C13orf42: variants seen among roughly 807,000 people sequenced by gnomAD.
The protein encoded by C13orf42 is uncharacterized protein C13orf42.
intron 1 of C13orf42, among the ~76,000 whole-genome samples, chr13:51,166,185 T>A (rs1201686199): frequency 6.6e-6 from 1 of 152,052 alleles, no homozygotes; most frequent in Non-Finnish European, 1.5e-5. Context: ...AACTGCAACA[T>A]GGAGAAGTCA....
At chr13:51,138,785 C>T (rs1292186961) in intron 1 of C13orf42, among the ~76,000 whole-genome samples, 1 of 152,184 alleles carries the variant, frequency 6.6e-6, no homozygotes, top group African/African-American at 2.4e-5. Flanking sequence ...TTTCCACACT[C>T]CCATGTTCCC....
intron 3 of C13orf42, among the ~76,000 whole-genome samples, chr13:51,085,072 GA>G (rs1484437481): frequency 2.0e-5 from 3 of 151,940 alleles, no homozygotes; most frequent in Non-Finnish European, 4.4e-5. Flanking sequence ...GGGCCAGAAA[GA>G]AAGGGAGGCA....
chr13:51,166,409 C>G (rs1206245068), intron 1 of C13orf42, among the ~76,000 whole-genome samples: 1 of 123,744 alleles, frequency 8.1e-6, no homozygotes, highest in Non-Finnish European at 1.6e-5. Context: ...CACATGGACA[C>G]AGGAAGGGGA....
At chr13:51,159,444 T>C (rs1008225717) in intron 1 of C13orf42, among the ~76,000 whole-genome samples, 1 of 152,228 alleles carries the variant, frequency 6.6e-6, no homozygotes, top group Admixed American at 6.5e-5. Context: ...TGAGCTTTTA[T>C]GCTTCCCCCA....
At chr13:51,118,847 G>A (rs2138011765) in intron 1 of C13orf42, among the ~76,000 whole-genome samples, 1 of 152,044 alleles carries the variant, frequency 6.6e-6, no homozygotes, top group Non-Finnish European at 1.5e-5. Flanking sequence ...TATGCCCAGG[G>A]GTATAGTATG....
intron 1 of C13orf42, among the ~76,000 whole-genome samples, chr13:51,153,992 C>T (rs1159009868): frequency 1.3e-5 from 2 of 152,064 alleles, no homozygotes; most frequent in East Asian, 1.9e-4. Flanking sequence ...CCATTACTCC[C>T]CATTTTCCCC....
intron 2 of C13orf42, among the ~76,000 whole-genome samples, chr13:51,086,053 TC>T (rs1289113136): frequency 6.6e-6 from 1 of 151,348 alleles, no homozygotes; most frequent in African/African-American, 2.4e-5. Context: ...ACACCTGTAA[TC>T]CCAACACTTT....
At chr13:51,169,924 C>T (rs1240032185) in intron 1 of C13orf42, among the ~76,000 whole-genome samples, 1 of 152,172 alleles carries the variant, frequency 6.6e-6, no homozygotes, top group African/African-American at 2.4e-5. Context: ...CATGTATACG[C>T]CCAGATGGCC....
intron 1 of C13orf42, among the ~76,000 whole-genome samples, chr13:51,098,292 C>T (rs1953255973): frequency 6.6e-6 from 1 of 151,926 alleles, no homozygotes; most frequent in Non-Finnish European, 1.5e-5. Context: ...ATAAACTTCC[C>T]GTTGTAAACA....
In C13orf42 at chr13:51,083,376, C is replaced by G. The variant is rs1953085795; in HGVS notation, c.*775G>C. 6.6e-6 allele frequency: 1 copy of G among 152,074 alleles called. No individual in the cohort carries two copies. Among genetic ancestry groups the G allele is most frequent in the South Asian group, 2.1e-4 (1 of 4,826 alleles). The allele number at this position is 152,074 out of a possible 1,614,324, so 9.4% of individuals were successfully genotyped here. On this transcript the variant is annotated 3_prime_UTR_variant, in exon 4 of 4. Transcript: ENST00000563710. ...AACTGGGGAAAGGGAAAGGTGTGGC[C>G]TGTCATAAACTGGTTCCATGGATAT...
chr13:51,133,292 A>G (rs1407973504), intron 1 of C13orf42, among the ~76,000 whole-genome samples: 1 of 152,184 alleles, frequency 6.6e-6, no homozygotes, highest in African/African-American at 2.4e-5. Flanking sequence ...GAAGGGAAAT[A>G]GAATGTGGTT....
intron 1 of C13orf42, among the ~76,000 whole-genome samples, chr13:51,136,172 T>C (rs1953656172): frequency 6.6e-6 from 1 of 152,096 alleles, no homozygotes; most frequent in South Asian, 2.1e-4. Flanking sequence ...CCCACCACAC[T>C]GTGCTCCCGT....
chr13:51,094,874 G>A (rs1468022182), intron 1 of C13orf42, among the ~76,000 whole-genome samples: 1 of 152,094 alleles, frequency 6.6e-6, no homozygotes, highest in Non-Finnish European at 1.5e-5. Context: ...ATTCCCATGT[G>A]TTATGGGAAG....
chr13:51,146,438 A>C (rs1468954520), intron 1 of C13orf42, among the ~76,000 whole-genome samples: 1 of 152,212 alleles, frequency 6.6e-6, no homozygotes, highest in East Asian at 1.9e-4. Flanking sequence ...GCTGTCAATC[A>C]GTTTAAGAAG....
chr13:51,098,252 T>C (rs146073447), intron 1 of C13orf42, among the ~76,000 whole-genome samples: 16 of 152,240 alleles, frequency 1.1e-4, no homozygotes, highest in Non-Finnish European at 1.5e-4. Context: ...TCTGTCAGTA[T>C]TTTTCTGCAA....
chr13:51,113,454 G>A (rs1363475191), upstream of C13orf42, among the ~76,000 whole-genome samples: 4 of 152,188 alleles, frequency 2.6e-5, no homozygotes, highest in Non-Finnish European at 5.9e-5. Flanking sequence ...TGCTGGTGGA[G>A]GAAATTCATC....
At chr13:51,152,232 C>T (rs775063248) in intron 1 of C13orf42, among the ~76,000 whole-genome samples, 28 of 152,230 alleles carry the variant, frequency 1.8e-4, no homozygotes, top group Non-Finnish European at 3.1e-4. Flanking sequence ...AGCTCTGTGT[C>T]GTTTCTCAGC....
At chr13:51,114,614 T>TA (rs374008931), upstream of C13orf42, among the ~76,000 whole-genome samples, 2 of 136,628 alleles carry the variant, frequency 1.5e-5, no homozygotes, top group Admixed American at 7.4e-5. Flanking sequence ...TACAGATAGA[T>TA]GATAGATAGA....
chr13:51,147,219 A>G (rs1953742282), intron 1 of C13orf42, among the ~76,000 whole-genome samples: 1 of 115,066 alleles, frequency 8.7e-6, no homozygotes, highest in Non-Finnish European at 1.9e-5. Flanking sequence ...ACCTTGGACT[A>G]GGTGTGGTGG....
Sources: gnomAD v4.1 joint callset for allele counts (sites outside exome capture counted in the v4.1 genomes callset) on GRCh38, gnomAD v4.1.1 for gene constraint, MANE v1.5 for transcripts, NCBI Gene and HGNC (gene_info 2026-07-23, HGNC 2026-07-21) for gene names.